VWCE: variants seen among roughly 807,000 people sequenced by gnomAD.
The protein encoded by VWCE is von Willebrand factor C and EGF domain-containing protein.
Under a neutral mutation model 102.9 loss-of-function variants are expected in VWCE, and 68 were observed. The observed-to-expected ratio is 0.66, with a 90% confidence interval of 0.54 to 0.81. The LOEUF (loss-of-function observed/expected upper bound fraction) is 0.81. Among genes scored for constraint, VWCE ranks in the 30% least tolerant of loss-of-function variants. VWCE has a pLI of 0.00. For missense variants in VWCE, 1,137 were observed against 1,263.6 expected (o/e 0.90, Z 1.52); for synonymous variants, 497 against 515.4 (o/e 0.96, Z 0.48).
At chr11:61,271,571 G>T in intron 14 of VWCE, 104 bp downstream of exon 14, 1 of 1,121,882 alleles carries the variant, frequency 8.9e-7, no homozygotes, top group Non-Finnish European at 1.3e-6. Context: ...GGGAGACTGC[G>T]GCCAGCCTGA....
chr11:61,270,199 G>GT (rs1439394521), intron 14 of VWCE, among the ~76,000 whole-genome samples: 1 of 152,188 alleles, frequency 6.6e-6, no homozygotes, highest in African/African-American at 2.4e-5. Flanking sequence ...GATTACAGGC[G>GT]TGAGCCACCG....
rs1855628878 is a variant in VWCE, at chr11:61,294,961, C to T, written c.77G>A (p.Gly26Glu). The T allele has an allele frequency of 4.8e-6, 7 of 1,462,562 alleles. No homozygotes were observed. Among genetic ancestry groups the T allele is most frequent in the Non-Finnish European group, 6.3e-6 (7 of 1,106,748 alleles). 90.6% of individuals were successfully genotyped at this position (1,462,562 alleles called of 1,614,324 possible). ...LPGAPARGYT[G>E]RKPPGHFAAE... ...CGCGAAGTGCCCGGGCGGCTTCCTC[C>T]CGGTGTAGCCTCGGGCTGGTGCCCC... The change falls in exon 1 of 20, where the codon GGG becomes GAG. Residue 26 changes from glycine to glutamate, a missense_variant. By Grantham distance (98) the Gly-to-Glu change is moderately conservative (BLOSUM62 -2). This residue lies in a region of VWCE where 575 missense variants were observed against 625.9 expected (regional missense o/e 0.92). Transcript: ENST00000335613. The surrounding 1 kb of genome is among the most constrained non-coding windows in gnomAD (Gnocchi z 6.3).
chr11:61,277,845 C>CT (rs1005880597), intron 10 of VWCE, among the ~76,000 whole-genome samples: 111 of 146,970 alleles, frequency 7.6e-4, no homozygotes, highest in Middle Eastern at 3.5e-3. Flanking sequence ...TCAGCATTTT[C>CT]TTTTTTTTTT....
Position 61,291,396 on chromosome 11 carries a change from C to T in VWCE, c.206-43G>A, listed in dbSNP as rs757678889. On this transcript the variant is annotated intron_variant, in intron 2 of 19. Transcript: ENST00000335613. ...GGTGAGACACGAGGAACTGGGGCCT[C>T]CCGTCTGCCCCTCGGACCAGGGACT... is the stretch of plus-strand genomic sequence containing the variant. 27 of 1,591,980 alleles carry T rather than the reference C, an allele frequency of 1.7e-5. No individual in the cohort carries two copies. The African/African-American group carries it at 3.5e-4, about 21-fold the overall frequency.
chr11:61,288,870 G>C (rs1230399219), intron 4 of VWCE, among the ~76,000 whole-genome samples: 5 of 141,254 alleles, frequency 3.5e-5, no homozygotes, highest in Non-Finnish European at 6.0e-5. Flanking sequence ...ACGGAATCTC[G>C]CTCTGTCACT....
Position 61,258,958 on chromosome 11 carries a change from G to A in VWCE, c.2585C>T (p.Pro862Leu). The A allele has an allele frequency of 1.3e-6, 2 of 1,579,326 alleles. No individual in the cohort carries two copies. The highest frequency in any genetic ancestry group is 1.7e-6 in the Non-Finnish European group (2 of 1,164,140). ...CACAGGAGGTGGCTGAGGAGCCCCT[G>A]GGGAAGCTAGAGGTAGAGTGGGGGC... is the stretch of plus-strand genomic sequence containing the variant. Reference protein sequence around the residue: ...PGAPTLPLASPGAPQPPPVTP... With the variant: ...PGAPTLPLASLGAPQPPPVTP... Residue 862 changes from proline to leucine, a missense_variant, in exon 20 of 20, where the codon CCA becomes CTA. Transcript: ENST00000335613.
In VWCE at chr11:61,258,974, G is replaced by A. The variant is rs1854271419; in HGVS notation, c.2569C>T (p.Leu857=). 2.5e-6 allele frequency: 4 copies of A among 1,596,732 alleles called. No individual in the cohort carries two copies. Among genetic ancestry groups the A allele is most frequent in the Non-Finnish European group, 2.6e-6 (3 of 1,171,574 alleles). The stretch of plus-strand genomic sequence containing the variant: ...GGAGCCCCTGGGGAAGCTAGAGGTA[G>A]AGTGGGGGCTCCTGGAGGGGTCGAA... ...GPSTPPGAPT[L]PLASPGAPQP... is the part of the protein sequence containing the mutation. The change falls in exon 20 of 20, where the codon CTA becomes TTA. Residue 857 remains leucine (L), a synonymous_variant. Transcript: ENST00000335613.
intron 10 of VWCE, among the ~76,000 whole-genome samples, 196 bp from the exon 11 acceptor site, chr11:61,276,876 G>A (rs1854936042): frequency 7.4e-6 from 1 of 135,496 alleles, no homozygotes; most frequent in Non-Finnish European, 1.6e-5. Context: ...AAGGAGAGAG[G>A]AGGGATGGGG....
chr11:61,266,840 T>A (rs976138814), intron 16 of VWCE, among the ~76,000 whole-genome samples: 1 of 152,242 alleles, frequency 6.6e-6, no homozygotes, highest in African/African-American at 2.4e-5. Flanking sequence ...CACATGGGTC[T>A]ACTGAAAAGG....
Position 61,295,307 on chromosome 11 carries a change from C to T in VWCE, c.-270G>A. 1 of 313,318 alleles carries T rather than the reference C, an allele frequency of 3.2e-6. No individual in the cohort carries two copies. The highest frequency in any genetic ancestry group is 5.8e-6 in the Non-Finnish European group (1 of 171,596). The allele number at this position is 313,318 out of a possible 1,614,324, so 19.4% of individuals were successfully genotyped here. A position where few individuals can be genotyped will look rare whatever the true frequency, so the allele number is the denominator to read the frequency against. On this transcript the variant is annotated 5_prime_UTR_variant, in exon 1 of 20. Transcript: ENST00000335613. The surrounding 1 kb of genome is among the most constrained non-coding windows in gnomAD (Gnocchi z 4.6). Reference sequence around the variant, plus strand: ...CGCCGCCCGCCTGCTGATGCCTCTCCGAGAGGCGCGGAGCCCGGGGCGGGG... The same window carrying T: ...CGCCGCCCGCCTGCTGATGCCTCTCTGAGAGGCGCGGAGCCCGGGGCGGGG...
Position 61,281,771 on chromosome 11 carries a change from G to A in VWCE, c.787+15C>T. The A allele has an allele frequency of 6.2e-7, 1 of 1,600,118 alleles. No homozygotes were observed. Among genetic ancestry groups the A allele is most frequent in the South Asian group, 1.1e-5 (1 of 89,718 alleles). On this transcript the variant is annotated intron_variant, in intron 7 of 19. Transcript: ENST00000335613. ...GGCGTGGCCAGCCGCCGGGATGGAG[G>A]GGCCTGGCGCTCACCTTCACAGGAC...
intron 16 of VWCE, among the ~76,000 whole-genome samples, chr11:61,267,233 G>C (rs1407574496): frequency 6.6e-6 from 1 of 152,150 alleles, no homozygotes; most frequent in Middle Eastern, 3.2e-3. Context: ...ACTCCAACCT[G>C]GGAGCCTGGG....
At chr11:61,291,659 A>C in intron 1 of VWCE, 83 bp from the exon 2 acceptor site, 9 of 1,166,050 alleles carry the variant, frequency 7.7e-6, no homozygotes, top group Non-Finnish European at 1.0e-5. Context: ...CCAGTGTGTA[A>C]GTGAATCAAC....
intron 19 of VWCE, among the ~76,000 whole-genome samples, chr11:61,261,804 C>CAA (rs34361479): frequency 2.0e-4 from 23 of 116,790 alleles, no homozygotes; most frequent in African/African-American, 5.6e-4. Flanking sequence ...GACCCTGTCT[C>CAA]AAAAAAAAAA....
Position 61,294,399 on chromosome 11 carries a change from G to A in VWCE, c.110+529C>T, listed in dbSNP as rs1362131438. 6.6e-6 allele frequency among the ~76,000 whole-genome samples: 1 copy of A among 152,200 alleles called. No individual in the cohort carries two copies. The highest frequency in any genetic ancestry group is 1.5e-5 in the Non-Finnish European group (1 of 68,044). ...GCACGTGCGGAGGGCGGCATCCATC[G>A]CGAAAGACAGCGGAGGGGCATGCAC... is the stretch of plus-strand genomic sequence containing the variant. On this transcript the variant is annotated intron_variant, in intron 1 of 19. Coordinates refer to ENST00000335613, the MANE Select transcript of VWCE (RefSeq NM_152718.2). The surrounding 1 kb of genome is among the most constrained non-coding windows in gnomAD (Gnocchi z 6.3).
At chr11:61,261,373 G>A (rs549596970) in intron 19 of VWCE, among the ~76,000 whole-genome samples, 14 of 152,222 alleles carry the variant, frequency 9.2e-5, no homozygotes, top group Admixed American at 3.3e-4. Flanking sequence ...TAAAATGACT[G>A]AATCATACAC....
chr11:61,294,878 C>T lies in VWCE; in HGVS notation c.110+50G>A, dbSNP rs995472210. ...CCCTCCGCGCCTCTCGACTGCACGCCGGTAGCGCTCTCCCGGGCGGGGGAG... is the reference window on the plus strand; with the variant it reads ...CCCTCCGCGCCTCTCGACTGCACGCTGGTAGCGCTCTCCCGGGCGGGGGAG... On this transcript the variant is annotated intron_variant, in intron 1 of 19. Coordinates refer to ENST00000335613, the MANE Select transcript of VWCE (RefSeq NM_152718.2). The surrounding 1 kb of genome is among the most constrained non-coding windows in gnomAD (Gnocchi z 6.3). 9.4e-6 allele frequency: 12 copies of T among 1,273,772 alleles called. No homozygotes were observed. The highest frequency in any genetic ancestry group is 1.2e-5 in the Non-Finnish European group (12 of 988,594). The allele number at this position is 1,273,772 out of a possible 1,614,324, so 78.9% of individuals were successfully genotyped here.
At position 61,278,491 on chromosome 11, in the gene VWCE, T is replaced by C. The variant is rs746360550; in HGVS notation, c.1325-15A>G. 1.2e-6 allele frequency: 2 copies of C among 1,613,618 alleles called. No homozygotes were observed. The highest frequency in any genetic ancestry group is 2.2e-5 in the South Asian group (2 of 91,070). ...GTGAAAACAGCCTTTGAAGGACAAA[T>C]AGGAGGTAGAGGCATCAGACCTCTT... is the stretch of plus-strand genomic sequence containing the variant. On this transcript the variant is annotated splice_polypyrimidine_tract_variant and intron_variant, in intron 9 of 19. Coordinates refer to ENST00000335613, the MANE Select transcript of VWCE (RefSeq NM_152718.2).
intron 14 of VWCE, 56 bp downstream of exon 14, chr11:61,271,619 T>C (rs1854704656): frequency 1.9e-6 from 3 of 1,543,948 alleles, no homozygotes; most frequent in Non-Finnish European, 2.6e-6. Context: ...TTGTCTCCTC[T>C]GGGTGAGGCG....
Sources: gnomAD v4.1 joint callset for allele counts (sites outside exome capture counted in the v4.1 genomes callset) on GRCh38, gnomAD v4.1.1 for gene constraint, gnomAD v4.1.1 regional missense constraint, Gnocchi (gnomAD v3.1) non-coding constraint, MANE v1.5 for transcripts, NCBI Gene and HGNC (gene_info 2026-07-23, HGNC 2026-07-21) for gene names.